The following ARID1B variants were observed in gnomAD, a reference collection of about 807,000 sequenced individuals.
ARID1B encodes AT-rich interaction domain 1B, also known as AT-rich interactive domain-containing protein 1B.
A neutral mutation model predicts 212.3 loss-of-function variants in ARID1B; 30 were observed. That is an observed-to-expected ratio of 0.14 (90% confidence interval 0.11 to 0.19). The LOEUF is 0.19. Ranked by LOEUF, ARID1B falls within the 10% of genes least tolerant of loss-of-function variation. The probability of loss-of-function intolerance (pLI) is 1.00; values close to 1 mark genes in which losing one functional copy is unlikely to be tolerated. For synonymous variants in ARID1B, 1,402 were observed against 1,301.7 expected (o/e 1.08, Z -1.66); for missense variants, 2,891 against 3,204.0 (o/e 0.90, Z 2.36).
intron 8 of ARID1B, chr6:157,151,598 A>G (rs1790201639): frequency 2.0e-5 from 3 of 152,324 alleles, no homozygotes; most frequent in Admixed American, 6.5e-5. Flanking sequence ...CTTTCCTACT[A>G]CAAAACTGTG....
intron 2 of ARID1B, among the ~76,000 whole-genome samples, chr6:156,856,947 C>T (rs556840261): frequency 1.2e-3 from 186 of 152,266 alleles, no homozygotes; most frequent in Non-Finnish European, 2.3e-3. Flanking sequence ...TCTGACCTCA[C>T]TCATTCACCC....
At chr6:156,912,571 C>T (rs945417419) in intron 3 of ARID1B, among the ~76,000 whole-genome samples, 2 of 152,166 alleles carry the variant, frequency 1.3e-5, no homozygotes, top group African/African-American at 4.8e-5. Flanking sequence ...TCAGATCTCC[C>T]TCTGTCTTCA....
chr6:157,117,512 GAA>G (rs1003901892), intron 6 of ARID1B, among the ~76,000 whole-genome samples: 1 of 152,112 alleles, frequency 6.6e-6, no homozygotes, highest in Non-Finnish European at 1.5e-5. Flanking sequence ...GCAATCAGGG[GAA>G]AAAGAATGAA....
At chr6:157,030,094 G>T (rs972738645) in intron 4 of ARID1B, among the ~76,000 whole-genome samples, 2 of 152,170 alleles carry the variant, frequency 1.3e-5, no homozygotes, top group Non-Finnish European at 2.9e-5. Flanking sequence ...GACGATTTGG[G>T]CTGGGCTCAG....
intron 12 of ARID1B, among the ~76,000 whole-genome samples, chr6:157,183,213 G>A (rs1792694132): frequency 6.6e-6 from 1 of 152,142 alleles, no homozygotes; most frequent in Admixed American, 6.5e-5. Context: ...CGCCCAGCTT[G>A]CCATTTCTGA....
At chr6:157,128,368 A>T (rs566245209) in intron 6 of ARID1B, among the ~76,000 whole-genome samples, 3 of 152,024 alleles carry the variant, frequency 2.0e-5, no homozygotes, top group Admixed American at 1.3e-4. Flanking sequence ...TTTCTTCATG[A>T]TGCTTATTAC....
chr6:157,027,166 G>A lies in ARID1B; in HGVS notation c.2248-57496G>A, dbSNP rs992424515. ...TCTTCCCTAGAGTCATTTTTTCTTA[G>A]CTTCAAACTTATTAGTTTACCTAAT... On this transcript the variant is annotated intron_variant, in intron 4 of 19. Transcript: ENST00000636930. Among the ~76,000 whole-genome samples the A allele has an allele frequency of 2.6e-5, 4 of 152,116 alleles. No individual in the cohort carries two copies. In the East Asian group the frequency reaches 5.8e-4, roughly 22 times the overall value.
chr6:157,170,482 C>T (rs1428824385), intron 9 of ARID1B, among the ~76,000 whole-genome samples: 2 of 152,138 alleles, frequency 1.3e-5, no homozygotes, highest in Non-Finnish European at 2.9e-5. Context: ...GTAATGATTT[C>T]AAGTGAATTG....
intron 6 of ARID1B, among the ~76,000 whole-genome samples, chr6:157,117,339 C>T (rs760559590): frequency 3.9e-5 from 6 of 152,082 alleles, no homozygotes; most frequent in Non-Finnish European, 7.4e-5. Flanking sequence ...TTATTAACCC[C>T]GAATGTTAAC....
chr6:157,003,228 C>T (rs777747385), intron 4 of ARID1B, among the ~76,000 whole-genome samples: 8 of 152,108 alleles, frequency 5.3e-5, no homozygotes, highest in African/African-American at 9.7e-5. Context: ...TCCTGACTGC[C>T]ATGTGGAGAA....
chr6:157,080,241 A>G (rs1285526441), intron 4 of ARID1B, among the ~76,000 whole-genome samples: 1 of 152,182 alleles, frequency 6.6e-6, no homozygotes, highest in Non-Finnish European at 1.5e-5. Flanking sequence ...GAGTATTTTC[A>G]TTTGCTTTTT....
intron 5 of ARID1B, among the ~76,000 whole-genome samples, chr6:157,106,154 A>T (rs1385970844): frequency 1.3e-5 from 2 of 152,178 alleles, no homozygotes; most frequent in African/African-American, 2.4e-5. Context: ...AGTGTTGAGT[A>T]AACTATGGAG....
intron 4 of ARID1B, among the ~76,000 whole-genome samples, chr6:157,072,836 A>T (rs1465804040): frequency 6.6e-6 from 1 of 152,200 alleles, no homozygotes; most frequent in Non-Finnish European, 1.5e-5. Flanking sequence ...AGGCTTAGAG[A>T]TGTTAAATCA....
chr6:156,778,712 C>A lies in ARID1B; in HGVS notation c.1032C>A (p.Pro344=), dbSNP rs1474425561. 1 of 1,522,874 alleles carries A rather than the reference C, an allele frequency of 6.6e-7. No individual in the cohort carries two copies. The highest frequency in any genetic ancestry group is 8.8e-7 in the Non-Finnish European group (1 of 1,133,858). The allele number at this position is 1,522,874 out of a possible 1,614,324, so 94.3% of individuals were successfully genotyped here. The change falls in exon 1 of 20, where the codon CCC becomes CCA. Residue 344 remains proline, a synonymous_variant. Transcript: ENST00000636930. ...ATCAACATGGCGGACAACAAAGCCCCGGGATGGGGATGATGCACTCCGCCT... is the reference window on the plus strand; with the variant it reads ...ATCAACATGGCGGACAACAAAGCCCAGGGATGGGGATGATGCACTCCGCCT... ...CFDQHGGQQS[P]GMGMMHSASA...
intron 5 of ARID1B, among the ~76,000 whole-genome samples, chr6:157,098,374 C>G (rs9383820): frequency 6.6e-6 from 1 of 151,894 alleles, no homozygotes; most frequent in African/African-American, 2.4e-5. Flanking sequence ...GCCGGGCTAG[C>G]GATGCCATAC....
At chr6:156,792,660 A>C (rs1780090101) in intron 1 of ARID1B, among the ~76,000 whole-genome samples, 1 of 152,180 alleles carries the variant, frequency 6.6e-6, no homozygotes, top group African/African-American at 2.4e-5. Flanking sequence ...TACTCCAGCT[A>C]GTGTCTTAGC....
chr6:156,917,542 G>T (rs1484943856), intron 3 of ARID1B, among the ~76,000 whole-genome samples: 1 of 152,210 alleles, frequency 6.6e-6, no homozygotes, highest in East Asian at 1.9e-4. Flanking sequence ...GAATGAGGAA[G>T]ACTTTGCTGG....
chr6:157,000,360 T>C (rs1778838364), intron 4 of ARID1B, among the ~76,000 whole-genome samples: 1 of 152,230 alleles, frequency 6.6e-6, no homozygotes, highest in Admixed American at 6.5e-5. Context: ...TTATCTTAGT[T>C]ATCAAATGGA....
chr6:157,030,741 C>A lies in ARID1B; in HGVS notation c.2248-53921C>A, dbSNP rs548674799. On this transcript the variant is annotated intron_variant, in intron 4 of 19. Coordinates refer to ENST00000636930, the MANE Select transcript of ARID1B (RefSeq NM_001374828.1). ...AAAGTGTAATTATGTTAACATCACA[C>A]CGCCTTGAAATTGTGTCTTAGAGTA... Among the ~76,000 whole-genome samples, 8 of 152,340 alleles carry A rather than the reference C, an allele frequency of 5.3e-5. No individual in the cohort carries two copies. The South Asian group carries it at 1.7e-3, about 32-fold the overall frequency.
Sources: allele counts gnomAD v4.1 joint callset (sites outside exome capture counted in the v4.1 genomes callset), GRCh38; gene constraint gnomAD v4.1.1; transcripts MANE v1.5; gene names NCBI Gene and HGNC (gene_info 2026-07-23, HGNC 2026-07-21).